SLC22A9: variants seen among roughly 807,000 people sequenced by gnomAD.
SLC22A9 encodes solute carrier family 22 member 9, also known as organic anion transporter 7.
Under a neutral mutation model 50.1 loss-of-function variants are expected in SLC22A9, and 64 were observed. The observed-to-expected ratio is 1.28, with a 90% CI of 1.04 to 1.57. SLC22A9 has a LOEUF of 1.57. Ranked by LOEUF, SLC22A9 falls within the 40% of genes most tolerant of loss-of-function variation. SLC22A9 has a pLI of 0.00. For synonymous variants in SLC22A9, 261 were observed against 242.5 expected (o/e 1.08, Z -0.71); for missense variants, 757 against 676.1 (o/e 1.12, Z -1.33).
At chr11:63,405,150 G>A (rs980396638) in intron 6 of SLC22A9, among the ~76,000 whole-genome samples, 18 of 151,614 alleles carry the variant, frequency 1.2e-4, no homozygotes, top group African/African-American at 4.4e-4. Context: ...ATAATAAAAG[G>A]AATACATGGC....
chr11:63,396,689 C>A (rs963808974), intron 6 of SLC22A9, among the ~76,000 whole-genome samples: 4 of 152,166 alleles, frequency 2.6e-5, no homozygotes, highest in Non-Finnish European at 5.9e-5. Flanking sequence ...GCATTTTCAA[C>A]TCCAAAATTT....
chr11:63,377,330 GAA>G (rs2014481917), intron 5 of SLC22A9, among the ~76,000 whole-genome samples: 1 of 151,620 alleles, frequency 6.6e-6, no homozygotes, highest in Non-Finnish European at 1.5e-5. Flanking sequence ...CAAAAAGAAA[GAA>G]AGAAAGAAAG....
chr11:63,390,007 G>A lies in SLC22A9; in HGVS notation c.1073+7730G>A, dbSNP rs184837342. Among the ~76,000 whole-genome samples, 938 of 152,200 alleles carry A rather than the reference G, an allele frequency of 6.2e-3. 10 individuals are homozygous for A. The highest frequency in any genetic ancestry group is 0.021 in the African/African-American group (859 of 41,540). On this transcript the variant is annotated intron_variant, in intron 6 of 9. Transcript: ENST00000279178. The stretch of plus-strand genomic sequence containing the variant: ...TGAGAAGCGTCTGTTGATATCCTTT[G>A]CCCACTTTTTGATGGGGTTGTTTTT...
At chr11:63,386,421 A>G (rs1186540921) in intron 6 of SLC22A9, among the ~76,000 whole-genome samples, 1 of 124,360 alleles carries the variant, frequency 8.0e-6, no homozygotes, top group Non-Finnish European at 1.6e-5. Context: ...CTATAAATCC[A>G]CGTGGACCTG....
At position 63,369,927 on chromosome 11, in the gene SLC22A9, G is replaced by T. The variant is rs572671944; in HGVS notation, c.-130G>T. On this transcript the variant is annotated 5_prime_UTR_variant, in exon 1 of 10. Coordinates refer to ENST00000279178, the MANE Select transcript of SLC22A9 (RefSeq NM_080866.3). ...CCTGCTGCAGAGGGGAAGCACAGTC[G>T]TCAAGAAGAGAGTGGGGTCAGGATC... 113 of 937,430 alleles carry T rather than the reference G, an allele frequency of 1.2e-4. No homozygotes were observed. Among genetic ancestry groups the T allele is most frequent in the Non-Finnish European group, 3.0e-5 (19 of 643,558 alleles). 58.1% of individuals were successfully genotyped at this position (937,430 alleles called of 1,614,324 possible).
intron 6 of SLC22A9, among the ~76,000 whole-genome samples, chr11:63,406,128 C>T (rs1183418232): frequency 6.6e-6 from 1 of 152,114 alleles, no homozygotes; most frequent in Non-Finnish European, 1.5e-5. Context: ...TTTTAGTCAT[C>T]ATCTTTGTAG....
chr11:63,408,914 T>C, intron 9 of SLC22A9, 35 bp downstream of exon 9: 1 of 1,606,986 alleles, frequency 6.2e-7, no homozygotes, highest in Non-Finnish European at 8.5e-7. Context: ...TCAGAGGATC[T>C]GTGTGCTATA....
intron 6 of SLC22A9, among the ~76,000 whole-genome samples, chr11:63,401,540 T>A (rs2014952104): frequency 6.6e-6 from 1 of 152,152 alleles, no homozygotes; most frequent in African/African-American, 2.4e-5. Context: ...ATTGTTAAAA[T>A]GTCCCTATTA....
chr11:63,372,377 A>G (rs1392006415), intron 2 of SLC22A9, among the ~76,000 whole-genome samples: 1 of 152,200 alleles, frequency 6.6e-6, no homozygotes, highest in Non-Finnish European at 1.5e-5. Flanking sequence ...AGATATTCAC[A>G]TAATGAATTT....
chr11:63,406,639 C>A lies in SLC22A9; in HGVS notation c.1216C>A (p.Arg406Ser). ...ACCTTGGGCACTGAAATACATGAAC[C>A]GTCGAGCAAGCCAGATGCTTCTCAT... Reference protein sequence around the residue: ...VAPWALKYMNRRASQMLLMFL... With the variant: ...VAPWALKYMNSRASQMLLMFL... The change falls in exon 7 of 10, where the codon CGT becomes AGT. Residue 406 changes from arginine to serine, a missense_variant. By Grantham distance (110) the Arg-to-Ser change is moderately radical. Transcript: ENST00000279178. 2 of 1,613,768 alleles carry A rather than the reference C, an allele frequency of 1.2e-6. No individual in the cohort carries two copies. Among genetic ancestry groups the A allele is most frequent in the Non-Finnish European group, 1.7e-6 (2 of 1,179,814 alleles).
At chr11:63,383,886 TAA>T (rs1010911717) in intron 6 of SLC22A9, among the ~76,000 whole-genome samples, 1 of 151,966 alleles carries the variant, frequency 6.6e-6, no homozygotes, top group Non-Finnish European at 1.5e-5. Flanking sequence ...CTGTCTCTAC[TAA>T]AAATACAAAA....
At chr11:63,390,799 C>T (rs1448256839) in intron 6 of SLC22A9, among the ~76,000 whole-genome samples, 5 of 151,980 alleles carry the variant, frequency 3.3e-5, no homozygotes, top group Admixed American at 6.6e-5. Context: ...GCTATTTTCA[C>T]AATATTGATT....
At position 63,373,891 on chromosome 11, in the gene SLC22A9, C is replaced by T; in HGVS notation, c.662-3C>T. 6.2e-7 allele frequency: 1 copy of T among 1,610,776 alleles called. No homozygotes were observed. Among genetic ancestry groups the T allele is most frequent in the Non-Finnish European group, 8.5e-7 (1 of 1,178,768 alleles). ...TCAAAGCCTTATCTGTTTTTTCTTCCAGTAGCCGAGTGGGCAACACACAGA... is the reference window on the plus strand; with the variant it reads ...TCAAAGCCTTATCTGTTTTTTCTTCTAGTAGCCGAGTGGGCAACACACAGA... On this transcript the variant is annotated splice_region_variant and splice_polypyrimidine_tract_variant and intron_variant, in intron 3 of 9. Coordinates refer to ENST00000279178, the MANE Select transcript of SLC22A9 (RefSeq NM_080866.3).
chr11:63,382,300 G>T (rs934478546), intron 6 of SLC22A9, 23 bp downstream of exon 6: 1 of 1,562,700 alleles, frequency 6.4e-7, no homozygotes, highest in African/African-American at 1.4e-5. Flanking sequence ...CAGTGTTTGA[G>T]GGTAAGTTAC....
intron 6 of SLC22A9, among the ~76,000 whole-genome samples, chr11:63,391,830 A>G (rs1402760776): frequency 6.6e-6 from 1 of 151,994 alleles, no homozygotes; most frequent in Non-Finnish European, 1.5e-5. Context: ...TAAAAAAAAG[A>G]CTTACTTCTG....
chr11:63,392,690 C>T (rs1056583218), intron 6 of SLC22A9, among the ~76,000 whole-genome samples: 10 of 151,958 alleles, frequency 6.6e-5, no homozygotes, highest in Admixed American at 5.9e-4. Context: ...CTATTAAAGG[C>T]CTTGAGGAAG....
Position 63,373,590 on chromosome 11 carries a change from G to GTT in SLC22A9, c.507-50_507-49dup. 3 of 1,460,218 alleles carry GTT rather than the reference G, an allele frequency of 2.1e-6. No homozygotes were observed. The South Asian group carries it at 4.8e-5, about 23-fold the overall frequency. 90.5% of individuals were successfully genotyped at this position (1,460,218 alleles called of 1,614,324 possible). A position where few individuals can be genotyped will look rare whatever the true frequency, so the allele number is the denominator to read the frequency against. ...TCAAAGTGTGCCTTCTCTTTGCTAA[G>GTT]TTTTTCCACTTGTTGTTATTGTTCC... On this transcript the variant is annotated intron_variant, in intron 2 of 9. Coordinates refer to ENST00000279178, the MANE Select transcript of SLC22A9 (RefSeq NM_080866.3).
chr11:63,409,651 G>T (rs1321410513), intron 9 of SLC22A9, 151 bp from the exon 10 acceptor site: 17 of 702,464 alleles, frequency 2.4e-5, no homozygotes, highest in Non-Finnish European at 3.5e-5. Context: ...TACTTCACAA[G>T]GTTTACTCAA....
At chr11:63,382,383 AG>A (rs2014581284) in intron 6 of SLC22A9, 106 bp downstream of exon 6, 2 of 764,210 alleles carry the variant, frequency 2.6e-6, no homozygotes, top group Middle Eastern at 2.5e-4. Context: ...TGCACATAAA[AG>A]ATGAGAAAGC....
Sources: gnomAD v4.1 joint callset for allele counts (sites outside exome capture counted in the v4.1 genomes callset) on GRCh38, gnomAD v4.1.1 for gene constraint, MANE v1.5 for transcripts, NCBI Gene and HGNC (gene_info 2026-07-23, HGNC 2026-07-21) for gene names.